Variants in PKP2 observed in about 807,000 individuals in gnomAD.
The protein encoded by PKP2 is plakophilin 2.
A neutral mutation model predicts 83.4 loss-of-function variants in PKP2; 73 were observed. The observed-to-expected ratio is 0.88, with a 90% confidence interval of 0.72 to 1.06. The LOEUF is 1.06. Ranked by LOEUF, PKP2 falls within the 50% of genes least tolerant of loss-of-function variation. PKP2 has a pLI of 0.00. For missense variants in PKP2, 966 were observed against 1,065.4 expected, an observed-to-expected ratio of 0.91 and a Z score of 1.30; for synonymous variants, 409 against 430.4, an observed-to-expected ratio of 0.95 and a Z score of 0.62.
At chr12:32,846,095 T>A (rs1449377855) in intron 5 of PKP2, among the ~76,000 whole-genome samples, 2 of 152,182 alleles carry the variant, frequency 1.3e-5, no homozygotes, top group Non-Finnish European at 2.9e-5. Context: ...TTTTAACACA[T>A]TTCACTGACA....
At chr12:32,857,937 T>C (rs1392979284) in intron 4 of PKP2, among the ~76,000 whole-genome samples, 1 of 149,682 alleles carries the variant, frequency 6.7e-6, no homozygotes, top group Non-Finnish European at 1.5e-5. Context: ...TTTTAAAAAC[T>C]GGGAATAGGC....
chr12:32,801,936 AT>A (rs754400477), intron 10 of PKP2, among the ~76,000 whole-genome samples: 3 of 152,182 alleles, frequency 2.0e-5, no homozygotes, highest in South Asian at 2.1e-4. Context: ...CTGTTTATCC[AT>A]TTTTTTAATA....
At position 32,832,470 on chromosome 12, in the gene PKP2, A is replaced by C. The variant is rs545548365; in HGVS notation, c.1557-8308T>G. ...AAAGTAACCAACAGAAAATATGGTTATGACTGGTTATGATAGTATAACATT... is the reference window on the plus strand; with the variant it reads ...AAAGTAACCAACAGAAAATATGGTTCTGACTGGTTATGATAGTATAACATT... On this transcript the variant is annotated intron_variant, in intron 6 of 12. Transcript: ENST00000340811. Among the ~76,000 whole-genome samples, 8 of 152,334 alleles carry C rather than the reference A, an allele frequency of 5.3e-5. No individual in the cohort carries two copies. In the East Asian group the frequency reaches 1.2e-3, roughly 22 times the overall value.
intron 6 of PKP2, among the ~76,000 whole-genome samples, chr12:32,825,010 TA>T (rs956123576): frequency 3.3e-5 from 5 of 152,146 alleles, no homozygotes; most frequent in African/African-American, 9.6e-5. Flanking sequence ...ATTAACTACT[TA>T]AAAAAATATT....
In PKP2 at chr12:32,892,821, G is replaced by GGC. The variant is rs1555149535; in HGVS notation, c.223+3687_223+3688insGC. 4.4e-5 allele frequency among the ~76,000 whole-genome samples: 5 copies of GGC among 113,336 alleles called. 1 individual carries two copies. The highest frequency in any genetic ancestry group is 4.7e-3 in the Middle Eastern group (1 of 212). The allele number at this position is 113,336 out of a possible 152,430, so 74.4% of individuals were successfully genotyped here. On this transcript the variant is annotated intron_variant, in intron 1 of 12. Coordinates refer to ENST00000340811, the MANE Select transcript of PKP2 (RefSeq NM_001005242.3). ...ACTCAGATACCTGGGGTGGGGGCGG[G>GGC]GGGGGGGGGAGAACTGTGTAGCAAG...
At chr12:32,865,977 G>C (rs1465749447) in intron 4 of PKP2, among the ~76,000 whole-genome samples, 1 of 151,956 alleles carries the variant, frequency 6.6e-6, no homozygotes, top group East Asian at 1.9e-4. Context: ...CTTTTGAATA[G>C]AGAAACATTT....
chr12:32,804,308 T>G (rs1956205594), intron 9 of PKP2, among the ~76,000 whole-genome samples: 1 of 152,182 alleles, frequency 6.6e-6, no homozygotes, highest in Non-Finnish European at 1.5e-5. Flanking sequence ...TTTTTTTCCT[T>G]CAACTTTTAA....
chr12:32,804,934 CT>C (rs1274658495), intron 9 of PKP2, among the ~76,000 whole-genome samples: 4 of 152,312 alleles, frequency 2.6e-5, no homozygotes, highest in South Asian at 4.1e-4. Context: ...GAAAAGCATT[CT>C]TTTTTCTCTG....
At chr12:32,863,834 T>A (rs962910607) in intron 4 of PKP2, among the ~76,000 whole-genome samples, 6 of 152,192 alleles carry the variant, frequency 3.9e-5, no homozygotes, top group African/African-American at 1.4e-4. Flanking sequence ...ATGAGACTAG[T>A]ATTACCCACA....
rs185681814 is a variant in PKP2, at chr12:32,878,903, A to C, written c.336+17T>G. ...GTAGTAATCTGATCACTAGGGTTACATTCTTTGATATCCTACCTTTAGCAT... is the reference window on the plus strand; with the variant it reads ...GTAGTAATCTGATCACTAGGGTTACCTTCTTTGATATCCTACCTTTAGCAT... On this transcript the variant is annotated intron_variant, in intron 2 of 12. Transcript: ENST00000340811. The C allele has an allele frequency of 1.7e-4, 222 of 1,271,822 alleles. No individual in the cohort carries two copies. The highest frequency in any genetic ancestry group is 1.6e-3 in the Middle Eastern group (6 of 3,748). 78.8% of individuals were successfully genotyped at this position (1,271,822 alleles called of 1,614,324 possible).
At chr12:32,881,995 T>A (rs951657964) in intron 1 of PKP2, among the ~76,000 whole-genome samples, 1 of 151,940 alleles carries the variant, frequency 6.6e-6, no homozygotes, top group African/African-American at 2.4e-5. Flanking sequence ...GGGGCCAGAG[T>A]ACCCTCAGCA....
At chr12:32,821,563 C>T in intron 8 of PKP2, 34 bp from the exon 9 acceptor site, 1 of 1,604,408 alleles carries the variant, frequency 6.2e-7, no homozygotes, top group Non-Finnish European at 8.5e-7. Flanking sequence ...AGAATTAATG[C>T]ATGTCAGGTG....
rs1181973282 is a variant in PKP2 at position 32,896,703 on chromosome 12, T to C, written c.29A>G (p.Tyr10Cys). The change falls in exon 1 of 13, where the codon TAC becomes TGC. Residue 10 changes from tyrosine (Y) to cysteine (C), a missense_variant. Coordinates refer to ENST00000340811, the MANE Select transcript of PKP2 (RefSeq NM_001005242.3). ...GCCCAGGACGGTCCGGATGTAGCCG[T>C]ACTCAGCTGGGGCGCCGGGGGCTGC... MAAPGAPAE[Y>C]GYIRTVLGQQ... 1.3e-6 allele frequency: 2 copies of C among 1,501,914 alleles called. No individual in the cohort carries two copies. The highest frequency in any genetic ancestry group is 1.8e-6 in the Non-Finnish European group (2 of 1,130,910). 93.0% of individuals were successfully genotyped at this position (1,501,914 alleles called of 1,614,324 possible).
At chr12:32,865,676 C>T (rs894732172) in intron 4 of PKP2, among the ~76,000 whole-genome samples, 13 of 49,258 alleles carry the variant, frequency 2.6e-4, no homozygotes, top group African/African-American at 2.5e-3. Flanking sequence ...AGAGTGACTC[C>T]GTCTCAAAAA....
intron 6 of PKP2, among the ~76,000 whole-genome samples, chr12:32,828,564 T>G (rs960378629): frequency 6.6e-6 from 1 of 152,240 alleles, no homozygotes; most frequent in African/African-American, 2.4e-5. Flanking sequence ...AATTTCATTC[T>G]GGGAAATTCT....
intron 10 of PKP2, among the ~76,000 whole-genome samples, chr12:32,800,732 C>T (rs1480617014): frequency 6.6e-6 from 1 of 152,180 alleles, no homozygotes; most frequent in Non-Finnish European, 1.5e-5. Context: ...AGAAGTCTCC[C>T]TCCTTTTAGT....
rs965609823 is a variant in PKP2, at chr12:32,805,093, C to T, written c.2014-2537G>A. On this transcript the variant is annotated intron_variant, in intron 9 of 12. Transcript: ENST00000340811. The stretch of plus-strand genomic sequence containing the variant: ...TTTTCACGTTTGTTAACCACATGTA[C>T]GTCTTCTTTTGAGAAGAGTCTGTTC... Among the ~76,000 whole-genome samples the T allele has an allele frequency of 4.6e-5, 7 of 150,858 alleles. No individual in the cohort carries two copies. The South Asian group carries it at 8.3e-4, about 18-fold the overall frequency.
intron 9 of PKP2, among the ~76,000 whole-genome samples, chr12:32,813,389 A>C (rs1956294207): frequency 6.6e-6 from 1 of 152,210 alleles, no homozygotes; most frequent in Non-Finnish European, 1.5e-5. Context: ...TAATCAACTT[A>C]CTTTAAACTG....
intron 4 of PKP2, among the ~76,000 whole-genome samples, chr12:32,860,323 G>C (rs1956787138): frequency 1.3e-5 from 2 of 152,202 alleles, no homozygotes; most frequent in African/African-American, 2.4e-5. Context: ...ATTAGTACAT[G>C]TGGTATGAGG....
Sources: gnomAD v4.1 joint callset for allele counts (sites outside exome capture counted in the v4.1 genomes callset) on GRCh38, gnomAD v4.1.1 for gene constraint, MANE v1.5 for transcripts, NCBI Gene and HGNC (gene_info 2026-07-23, HGNC 2026-07-21) for gene names.